Variants in WDR33 observed in about 807,000 individuals in gnomAD.
The protein encoded by WDR33 is pre-mRNA 3' end processing protein WDR33.
In WDR33, 47 loss-of-function variants were observed where a neutral mutation model predicts 164.9. The observed-to-expected ratio is 0.29, with a 90% confidence interval of 0.23 to 0.36. WDR33 has a LOEUF of 0.36. Ranked by LOEUF, WDR33 falls within the 10% of genes least tolerant of loss-of-function variation. The pLI is 1.00. For synonymous variants in WDR33, 505 were observed against 589.0 expected, an observed-to-expected ratio of 0.86 and a Z score of 2.06; for missense variants, 1,137 against 1,754.1, an observed-to-expected ratio of 0.65 and a Z score of 6.28.
rs538744653 is a variant in WDR33 at position 127,805,547 on chromosome 2, G to A, written c.-24+5465C>T. ...AATAAGAAATTCCAAAATATGGAAC[G>A]TTCTTTAAAAAGATGAGGCTAGCTG... is the stretch of plus-strand genomic sequence containing the variant. On this transcript the variant is annotated intron_variant, in intron 1 of 21. Transcript: ENST00000322313. Among the ~76,000 whole-genome samples the A allele has an allele frequency of 3.9e-5, 6 of 152,110 alleles. No homozygotes were observed. In the South Asian group the frequency reaches 8.3e-4, roughly 21 times the overall value.
At chr2:127,804,114 G>A (rs1262464750) in intron 1 of WDR33, among the ~76,000 whole-genome samples, 2 of 152,102 alleles carry the variant, frequency 1.3e-5, no homozygotes, top group Non-Finnish European at 2.9e-5. Context: ...AAGGTCAGGA[G>A]ATCGAGACCA....
chr2:127,709,350 G>C lies in WDR33; in HGVS notation c.3565+140C>G, dbSNP rs979819609. On this transcript the variant is annotated intron_variant, in intron 20 of 21. Coordinates refer to ENST00000322313, the MANE Select transcript of WDR33 (RefSeq NM_018383.5). This position sits in a 1 kb window ranked among gnomAD's most constrained non-coding sequence, Gnocchi z 5.0. ...CCACCTGCTGAGATCAAGTGCTGCG[G>C]CTGCAGGACAGGAGACAGCCCAGCC... 20 of 749,316 alleles carry C rather than the reference G, an allele frequency of 2.7e-5. No individual in the cohort carries two copies. The African/African-American group carries it at 3.1e-4, about 12-fold the overall frequency. 46.4% of individuals were successfully genotyped at this position (749,316 alleles called of 1,614,324 possible). A position where few individuals can be genotyped will look rare whatever the true frequency, so the allele number is the denominator to read the frequency against.
chr2:127,780,819 A>G (rs1688345664), intron 1 of WDR33, among the ~76,000 whole-genome samples: 2 of 152,222 alleles, frequency 1.3e-5, no homozygotes, highest in South Asian at 4.1e-4. Flanking sequence ...CCTGGGCAGC[A>G]GAATGAGACC....
chr2:127,772,995 G>A (rs1688060876), intron 1 of WDR33, among the ~76,000 whole-genome samples: 1 of 151,554 alleles, frequency 6.6e-6, no homozygotes, highest in Non-Finnish European at 1.5e-5. Flanking sequence ...AATTAGCCCA[G>A]TGTGCTGGTG....
Position 127,703,973 on chromosome 2 carries a change from T to G in WDR33, c.*2350A>C, listed in dbSNP as rs975463077. The G allele has an allele frequency of 1.2e-5, 2 of 166,548 alleles. No individual in the cohort carries two copies. The highest frequency in any genetic ancestry group is 2.4e-5 in the African/African-American group (1 of 41,290). The allele number at this position is 166,548 out of a possible 1,614,324, so 10.3% of individuals were successfully genotyped here. ...TCGCCACAGAAAATCTTCAAAAAAT[T>G]TGCCAGATATGGTGGCACACAACTG... is the stretch of plus-strand genomic sequence containing the variant. On this transcript the variant is annotated 3_prime_UTR_variant, in exon 22 of 22. Transcript: ENST00000322313.
At chr2:127,795,697 G>A (rs1162398555) in intron 1 of WDR33, among the ~76,000 whole-genome samples, 1 of 151,420 alleles carries the variant, frequency 6.6e-6, no homozygotes, top group African/African-American at 2.4e-5. Flanking sequence ...GCCAGGTGTG[G>A]TGGCATGCTC....
rs1210868458 is a variant in WDR33 at position 127,701,305 on chromosome 2, C to T, written c.*5018G>A. On this transcript the variant is annotated 3_prime_UTR_variant, in exon 22 of 22. Transcript: ENST00000322313. ...GCCTACTCCGAACAAGGAAGAGGGT[C>T]AGGCGCTGGGAGGGCGACTGCAAGC... 2 of 362,600 alleles carry T rather than the reference C, an allele frequency of 5.5e-6. No individual in the cohort carries two copies. Among genetic ancestry groups the T allele is most frequent in the Non-Finnish European group, 9.7e-6 (2 of 206,594 alleles). 22.5% of individuals were successfully genotyped at this position (362,600 alleles called of 1,614,324 possible). A position where few individuals can be genotyped will look rare whatever the true frequency, so the allele number is the denominator to read the frequency against.
rs1379565898 is a variant in WDR33, at chr2:127,701,754, C to T, written c.*4569G>A. On this transcript the variant is annotated 3_prime_UTR_variant, in exon 22 of 22. Transcript: ENST00000322313. ...CCTCCCGAGCGTGACGCGCGGGCAG[C>T]GGCTGGCGGCGGGCGGCGGGTGCCT... is the stretch of plus-strand genomic sequence containing the variant. 2.1e-6 allele frequency: 3 copies of T among 1,417,234 alleles called. No homozygotes were observed. Among genetic ancestry groups the T allele is most frequent in the Non-Finnish European group, 1.8e-6 (2 of 1,085,244 alleles). 87.8% of individuals were successfully genotyped at this position (1,417,234 alleles called of 1,614,324 possible). A position where few individuals can be genotyped will look rare whatever the true frequency, so the allele number is the denominator to read the frequency against.
chr2:127,799,285 C>T (rs1689152776), intron 1 of WDR33, among the ~76,000 whole-genome samples: 1 of 151,780 alleles, frequency 6.6e-6, no homozygotes, highest in Non-Finnish European at 1.5e-5. Flanking sequence ...TTCAATGACA[C>T]CATAAAAAAA....
intron 7 of WDR33, among the ~76,000 whole-genome samples, chr2:127,749,839 CTT>C (rs1286010102): frequency 3.6e-5 from 5 of 140,710 alleles, no homozygotes; most frequent in Non-Finnish European, 1.6e-5. Context: ...ATTTCACAGG[CTT>C]TTTTTTTTTT....
chr2:127,798,950 T>C (rs560115794), intron 1 of WDR33: 5 of 152,130 alleles, frequency 3.3e-5, no homozygotes, highest in Non-Finnish European at 7.4e-5. Context: ...TCAACTTCAG[T>C]GACACTAATG....
At chr2:127,780,474 T>C (rs1013487947) in intron 1 of WDR33, among the ~76,000 whole-genome samples, 3 of 152,214 alleles carry the variant, frequency 2.0e-5, no homozygotes, top group African/African-American at 4.8e-5. Flanking sequence ...TTTCTCTTCA[T>C]TGTCCAACTT....
intron 1 of WDR33, among the ~76,000 whole-genome samples, chr2:127,801,451 C>T (rs749939053): frequency 2.7e-5 from 4 of 149,790 alleles, no homozygotes; most frequent in Non-Finnish European, 5.9e-5. Flanking sequence ...CACTTTGAGG[C>T]GAAGACCAGC....
At position 127,750,722 on chromosome 2, in the gene WDR33, G is replaced by A. The variant is rs566793618; in HGVS notation, c.724+12340C>T. 4.3e-3 allele frequency among the ~76,000 whole-genome samples: 158 copies of A among 36,974 alleles called. 6 individuals are homozygous for A. The highest frequency in any genetic ancestry group is 0.023 in the African/African-American group (149 of 6,408). The allele number at this position is 36,974 out of a possible 152,430, so 24.3% of individuals were successfully genotyped here. On this transcript the variant is annotated intron_variant, in intron 7 of 21. Coordinates refer to ENST00000322313, the MANE Select transcript of WDR33 (RefSeq NM_018383.5). Reference sequence around the variant, plus strand: ...TATATATATATATATATGTATGTATGCATACATATATATGTATGCATACAT... The same window carrying A: ...TATATATATATATATATGTATGTATACATACATATATATGTATGCATACAT...
chr2:127,754,993 G>C (rs529341192), intron 7 of WDR33, among the ~76,000 whole-genome samples: 84 of 152,114 alleles, frequency 5.5e-4, no homozygotes, highest in African/African-American at 2.0e-3. Context: ...CCACCACTCT[G>C]AACATCTATT....
chr2:127,712,933 T>G lies in WDR33; in HGVS notation c.3308+650A>C, dbSNP rs1686216049. Among the ~76,000 whole-genome samples the G allele has an allele frequency of 6.6e-6, 1 of 152,160 alleles. No homozygotes were observed. The highest frequency in any genetic ancestry group is 6.5e-5 in the Admixed American group (1 of 15,272). On this transcript the variant is annotated intron_variant, in intron 18 of 21. Transcript: ENST00000322313. The surrounding 1 kb of genome is among the most constrained non-coding windows in gnomAD (Gnocchi z 4.0). ...CCAAACCCAGCTAATTAAAAAATTT[T>G]TTTTGTAGAGATGGAGTTACACTAT...
At chr2:127,800,350 C>T (rs1432078423) in intron 1 of WDR33, among the ~76,000 whole-genome samples, 1 of 152,164 alleles carries the variant, frequency 6.6e-6, no homozygotes, top group Non-Finnish European at 1.5e-5. Flanking sequence ...AAACAAGAAG[C>T]AAGCCTGGGC....
chr2:127,734,519 A>G (rs765271109), intron 7 of WDR33, among the ~76,000 whole-genome samples: 1 of 152,228 alleles, frequency 6.6e-6, no homozygotes, highest in African/African-American at 2.4e-5. Flanking sequence ...AGCAAACAGG[A>G]AGTAAACGAT....
rs76386830 is a variant in WDR33 at position 127,738,403 on chromosome 2, A to G, written c.725-11626T>C. 0.017 allele frequency among the ~76,000 whole-genome samples: 2,516 copies of G among 152,298 alleles called. 33 individuals are homozygous for G. Among genetic ancestry groups the G allele is most frequent in the Admixed American group, 0.024 (366 of 15,298 alleles). On this transcript the variant is annotated intron_variant, in intron 7 of 21. Coordinates refer to ENST00000322313, the MANE Select transcript of WDR33 (RefSeq NM_018383.5). The surrounding 1 kb of genome is among the most constrained non-coding windows in gnomAD (Gnocchi z 4.4). ...AGTCTCCCATGCCTAAGAATTCCACATAATTTACACAGTTACTCCACCTGA... is the reference window on the plus strand; with the variant it reads ...AGTCTCCCATGCCTAAGAATTCCACGTAATTTACACAGTTACTCCACCTGA...
Sources: gnomAD v4.1 joint callset for allele counts (sites outside exome capture counted in the v4.1 genomes callset) on GRCh38, gnomAD v4.1.1 for gene constraint, Gnocchi (gnomAD v3.1) non-coding constraint, MANE v1.5 for transcripts, NCBI Gene and HGNC (gene_info 2026-07-23, HGNC 2026-07-21) for gene names.